IMMP2L: variants seen among roughly 807,000 people sequenced by gnomAD.
IMMP2L encodes inner mitochondrial membrane peptidase subunit 2.
In IMMP2L, 18 loss-of-function variants were observed where a neutral mutation model predicts 19.3. That is an observed-to-expected ratio of 0.93 (90% CI 0.64 to 1.38). The LOEUF is 1.38. Ranked by LOEUF, IMMP2L falls within the 40% of genes most tolerant of loss-of-function variation. The probability of loss-of-function intolerance (pLI) is 0.00; values close to 1 mark genes in which losing one functional copy is unlikely to be tolerated. For synonymous variants in IMMP2L, 76 were observed against 73.0 expected (o/e 1.04, Z -0.21); for missense variants, 233 against 218.2 (o/e 1.07, Z -0.43).
intron 3 of IMMP2L, among the ~76,000 whole-genome samples, chr7:111,444,340 G>A (rs1838072958): frequency 6.6e-6 from 1 of 152,136 alleles, no homozygotes; most frequent in African/African-American, 2.4e-5. Context: ...CAGTGGCTAA[G>A]GCTCTTTCTA....
chr7:111,267,923 AAAG>A (rs770234289), intron 3 of IMMP2L, among the ~76,000 whole-genome samples: 25 of 152,128 alleles, frequency 1.6e-4, no homozygotes, highest in Non-Finnish European at 3.4e-4. Flanking sequence ...TATCTTTTTC[AAAG>A]AAGAAGTAGT....
At chr7:111,242,450 T>A (rs745601966) in intron 3 of IMMP2L, among the ~76,000 whole-genome samples, 1 of 151,990 alleles carries the variant, frequency 6.6e-6, no homozygotes, top group Non-Finnish European at 1.5e-5. Context: ...GAGAACTACA[T>A]CACAACACTT....
chr7:111,505,658 A>T (rs967321467), intron 2 of IMMP2L, among the ~76,000 whole-genome samples: 41 of 152,246 alleles, frequency 2.7e-4, no homozygotes, highest in African/African-American at 9.4e-4. Flanking sequence ...TGATGAGTTC[A>T]TGTCCTTTGT....
At chr7:111,135,277 T>G (rs1362712827) in intron 3 of IMMP2L, among the ~76,000 whole-genome samples, 1 of 152,204 alleles carries the variant, frequency 6.6e-6, no homozygotes, top group Non-Finnish European at 1.5e-5. Flanking sequence ...AAGTACTTTT[T>G]AAGATATAAG....
At chr7:110,914,675 T>C (rs989666455) in intron 4 of IMMP2L, among the ~76,000 whole-genome samples, 12 of 152,326 alleles carry the variant, frequency 7.9e-5, no homozygotes, top group Admixed American at 7.9e-4. Flanking sequence ...TTCATGTTGC[T>C]CTTTTCAAAG....
rs144733547 is a variant in IMMP2L, at chr7:110,698,084, A to G, written c.409-34363T>C. Among the ~76,000 whole-genome samples the G allele has an allele frequency of 3.0e-3, 454 of 152,330 alleles. 2 individuals carry two copies. Among genetic ancestry groups the G allele is most frequent in the African/African-American group, 0.01 (435 of 41,570 alleles). ...TCACCAATTTCCATTTGAAGAATTT[A>G]TCATTAAAATTTCATGGGGAGGCAG... On this transcript the variant is annotated intron_variant, in intron 5 of 5. Coordinates refer to ENST00000405709, the MANE Select transcript of IMMP2L (RefSeq NM_032549.4).
At chr7:111,041,850 A>G (rs1791929295) in intron 3 of IMMP2L, among the ~76,000 whole-genome samples, 1 of 152,192 alleles carries the variant, frequency 6.6e-6, no homozygotes, top group African/African-American at 2.4e-5. Context: ...AGTTAGTGTC[A>G]AGAGCATAGG....
At chr7:111,117,213 T>C (rs1292176764) in intron 3 of IMMP2L, among the ~76,000 whole-genome samples, 1 of 152,132 alleles carries the variant, frequency 6.6e-6, no homozygotes, top group African/African-American at 2.4e-5. Flanking sequence ...TAAAATCAGA[T>C]AAGTGAGTTT....
chr7:111,124,758 G>A (rs199968425), intron 3 of IMMP2L: 9 of 1,613,812 alleles, frequency 5.6e-6, no homozygotes, highest in Admixed American at 1.7e-5. Context: ...ACAGCTATGT[G>A]AGGAATTACT....
At chr7:110,897,542 C>T (rs1811448238) in intron 4 of IMMP2L, among the ~76,000 whole-genome samples, 1 of 152,138 alleles carries the variant, frequency 6.6e-6, no homozygotes. Flanking sequence ...TGGCAGCATC[C>T]ATAACATTTT....
chr7:110,922,662 C>A (rs1056712183), intron 4 of IMMP2L, among the ~76,000 whole-genome samples: 2 of 152,024 alleles, frequency 1.3e-5, no homozygotes, highest in African/African-American at 2.4e-5. Flanking sequence ...CTCAAGGAAC[C>A]ACAGAGATTA....
At chr7:111,443,876 TAGAA>T (rs1267803100) in intron 3 of IMMP2L, among the ~76,000 whole-genome samples, 2 of 152,096 alleles carry the variant, frequency 1.3e-5, no homozygotes, top group Non-Finnish European at 2.9e-5. Flanking sequence ...TTTTATCTAT[TAGAA>T]GGAAGGAAAA....
chr7:111,531,192 T>A (rs1455901504), intron 1 of IMMP2L, among the ~76,000 whole-genome samples: 1 of 152,012 alleles, frequency 6.6e-6, no homozygotes, highest in African/African-American at 2.4e-5. Context: ...CCTGACCTTG[T>A]GATCCGCCCG....
chr7:111,025,567 C>T (rs927869759), intron 3 of IMMP2L, among the ~76,000 whole-genome samples: 2 of 152,004 alleles, frequency 1.3e-5, no homozygotes, highest in African/African-American at 4.8e-5. Flanking sequence ...CAATGAAGCC[C>T]CTGAAAATAA....
intron 3 of IMMP2L, among the ~76,000 whole-genome samples, chr7:111,364,471 T>G (rs778744238): frequency 7.9e-5 from 12 of 151,868 alleles, no homozygotes; most frequent in Non-Finnish European, 1.6e-4. Context: ...AAATGGTAAT[T>G]ACAGGATCAT....
chr7:110,848,229 C>T (rs1805856650), intron 5 of IMMP2L, among the ~76,000 whole-genome samples: 1 of 152,024 alleles, frequency 6.6e-6, no homozygotes, highest in Non-Finnish European at 1.5e-5. Context: ...ATATAAATCA[C>T]CTTTAAGAAT....
At chr7:110,738,906 T>C (rs1435369708) in intron 5 of IMMP2L, among the ~76,000 whole-genome samples, 1 of 152,220 alleles carries the variant, frequency 6.6e-6, no homozygotes, top group Non-Finnish European at 1.5e-5. Flanking sequence ...TGAGGTCCTA[T>C]TTTAAGCCTC....
intron 3 of IMMP2L, among the ~76,000 whole-genome samples, chr7:111,408,225 C>A (rs1242775406): frequency 6.7e-6 from 1 of 149,492 alleles, no homozygotes; most frequent in Admixed American, 6.6e-5. Context: ...CAATAAGTGA[C>A]CAACTTGCAA....
At chr7:111,085,365 A>G (rs934368332) in intron 3 of IMMP2L, among the ~76,000 whole-genome samples, 17 of 152,220 alleles carry the variant, frequency 1.1e-4, no homozygotes, top group African/African-American at 4.1e-4. Flanking sequence ...TCCCAACAAC[A>G]GTGTAAAAGT....
Sources: gnomAD v4.1 joint callset for allele counts (sites outside exome capture counted in the v4.1 genomes callset) on GRCh38, gnomAD v4.1.1 for gene constraint, MANE v1.5 for transcripts, NCBI Gene and HGNC (gene_info 2026-07-23, HGNC 2026-07-21) for gene names.